Variants in MYH10 observed in about 807,000 individuals in gnomAD.
MYH10 encodes the protein myosin heavy chain 10, also known as myosin-10.
Under a neutral mutation model 257.8 loss-of-function variants are expected in MYH10, and 55 were observed. The ratio of observed to expected loss-of-function variants is 0.21; its 90% CI spans 0.17 to 0.27. MYH10 has a LOEUF of 0.27. Ranked by LOEUF, MYH10 falls within the 10% of genes least tolerant of loss-of-function variation. The pLI, the probability that MYH10 is intolerant of heterozygous loss-of-function variation, is 1.00. For missense variants in MYH10, 1,631 were observed against 2,500.6 expected, an observed-to-expected ratio of 0.65 and a Z score of 7.42; for synonymous variants, 854 against 921.7, an observed-to-expected ratio of 0.93 and a Z score of 1.33.
chr17:8,623,263 C>A lies in MYH10; in HGVS notation c.-17G>T, dbSNP rs1342413981. 6.4e-6 allele frequency: 10 copies of A among 1,555,574 alleles called. No homozygotes were observed. The highest frequency in any genetic ancestry group is 1.4e-5 in the African/African-American group (1 of 71,946). ...CTGCGCCATTGTAAATGGAACGATC[C>A]AAAAGCAATTGCCTCTAAGAGAAGA... is the stretch of plus-strand genomic sequence containing the variant. On this transcript the variant is annotated 5_prime_UTR_variant, in exon 2 of 43. Coordinates refer to ENST00000360416, the MANE Select transcript of MYH10 (RefSeq NM_001256012.3).
chr17:8,492,156 C>T, intron 34 of MYH10, 141 bp downstream of exon 34: 1 of 796,334 alleles, frequency 1.3e-6, no homozygotes, highest in South Asian at 1.7e-5. Context: ...CAGGCCAAAA[C>T]ACTCCTAGAT....
intron 2 of MYH10, among the ~76,000 whole-genome samples, chr17:8,608,727 T>C (rs952882695): frequency 6.6e-6 from 1 of 152,230 alleles, no homozygotes; most frequent in African/African-American, 2.4e-5. Flanking sequence ...TCAAGCCCAC[T>C]ATGCTGCTTT....
At chr17:8,621,205 A>G (rs1394891377) in intron 2 of MYH10, among the ~76,000 whole-genome samples, 1 of 152,186 alleles carries the variant, frequency 6.6e-6, no homozygotes, top group African/African-American at 2.4e-5. Flanking sequence ...AATTTATTGC[A>G]ATGGGCTTCA....
At position 8,535,692 on chromosome 17, in the gene MYH10, A is replaced by G; in HGVS notation, c.1779+66T>C. 2.0e-6 allele frequency: 3 copies of G among 1,512,146 alleles called. No homozygotes were observed. The highest frequency in any genetic ancestry group is 1.2e-5 in the South Asian group (1 of 83,846). The allele number at this position is 1,512,146 out of a possible 1,614,324, so 93.7% of individuals were successfully genotyped here. A position where few individuals can be genotyped will look rare whatever the true frequency, so the allele number is the denominator to read the frequency against. The stretch of plus-strand genomic sequence containing the variant: ...TTATCAGCACCTTTGTTACACCTTC[A>G]TAAAAATGTAGCAAAATTTCAAACA... On this transcript the variant is annotated intron_variant, in intron 15 of 42. Transcript: ENST00000360416. The surrounding 1 kb of genome is among the most constrained non-coding windows in gnomAD (Gnocchi z 4.3).
chr17:8,522,216 C>A (rs545727008), intron 17 of MYH10, among the ~76,000 whole-genome samples: 4 of 152,358 alleles, frequency 2.6e-5, no homozygotes, highest in African/African-American at 9.6e-5. Flanking sequence ...CTAATGGACA[C>A]CTCATTTCTT....
At chr17:8,488,510 A>G (rs1915239369) in intron 35 of MYH10, among the ~76,000 whole-genome samples, 1 of 152,224 alleles carries the variant, frequency 6.6e-6, no homozygotes, top group Non-Finnish European at 1.5e-5. Flanking sequence ...GGTATAGGTC[A>G]TAAATACCTT....
At position 8,490,495 on chromosome 17, in the gene MYH10, T is replaced by C. The variant is rs1644815348; in HGVS notation, c.4729A>G (p.Thr1577Ala). The change falls in exon 35 of 43, where the codon ACC becomes GCC. Residue 1577 changes from threonine to alanine, a missense_variant. Around this residue, in one of 11 missense-constraint regions of MYH10, gnomAD observed 463 missense variants for 621.8 expected, o/e 0.74. Transcript: ENST00000360416. This position sits in a 1 kb window ranked among gnomAD's most constrained non-coding sequence, Gnocchi z 4.1. The stretch of plus-strand genomic sequence containing the variant: ...TCGTCTTCCAGCTCCTCCAGCTGGG[T>C]CCTCATTTCCTCCACCTGCTGCTCT... Reference protein sequence around the residue: ...ALEQQVEEMRTQLEELEDELQ... With the variant: ...ALEQQVEEMRAQLEELEDELQ... 1 of 1,614,084 alleles carries C rather than the reference T, an allele frequency of 6.2e-7. No individual in the cohort carries two copies. The highest frequency in any genetic ancestry group is 1.3e-5 in the African/African-American group (1 of 74,930).
intron 31 of MYH10, 142 bp downstream of exon 31, chr17:8,494,995 C>CA (rs1597642058): frequency 1.6e-6 from 1 of 610,964 alleles, no homozygotes; most frequent in East Asian, 2.9e-5. Context: ...TCCCGAGTAG[C>CA]AAGGCTGGCT....
intron 36 of MYH10, among the ~76,000 whole-genome samples, chr17:8,486,175 G>C (rs148727018): frequency 9.1e-4 from 139 of 152,232 alleles, no homozygotes; most frequent in African/African-American, 2.9e-3. Context: ...GATGCAGCAG[G>C]GATACAGGGA....
intron 9 of MYH10, among the ~76,000 whole-genome samples, chr17:8,550,882 A>G (rs1171335254): frequency 1.3e-5 from 2 of 151,846 alleles, no homozygotes; most frequent in Non-Finnish European, 2.9e-5. Flanking sequence ...GTGTCCACTC[A>G]GGGTTAAATG....
chr17:8,539,177 G>A (rs2082225987), intron 14 of MYH10, among the ~76,000 whole-genome samples: 1 of 152,162 alleles, frequency 6.6e-6, no homozygotes, highest in Non-Finnish European at 1.5e-5. Context: ...TAGACTACAA[G>A]AAATCAATTT....
Position 8,480,178 on chromosome 17 carries a change from G to A in MYH10, c.5529C>T (p.Phe1843=), listed in dbSNP as rs758261345. 50 of 1,614,038 alleles carry A rather than the reference G, an allele frequency of 3.1e-5. No individual in the cohort carries two copies. Among genetic ancestry groups the A allele is most frequent in the Non-Finnish European group, 4.2e-6 (5 of 1,180,040 alleles). The change falls in exon 40 of 43, where the codon TTC becomes TTT. Residue 1843 remains phenylalanine (F), a synonymous_variant. Coordinates refer to ENST00000360416, the MANE Select transcript of MYH10 (RefSeq NM_001256012.3). ...CCTCCAGGGCTGAGATGGTGGCCTT[G>A]AACTTAGACTTGACAGCACCCTCGA... ...QELEGAVKSK[F]KATISALEAK...
At chr17:8,518,382 C>A (rs2081542868) in intron 21 of MYH10, among the ~76,000 whole-genome samples, 1 of 152,178 alleles carries the variant, frequency 6.6e-6, no homozygotes, top group South Asian at 2.1e-4. Flanking sequence ...GATCTGCCCA[C>A]TTCAGCCTCC....
chr17:8,485,974 A>G (rs1475917541), intron 36 of MYH10, among the ~76,000 whole-genome samples: 2 of 152,244 alleles, frequency 1.3e-5, no homozygotes, highest in Non-Finnish European at 2.9e-5. Context: ...GTATCCACAC[A>G]GTAGAGTGTT....
chr17:8,511,056 A>G (rs1340437641), intron 24 of MYH10: 12 of 114,010 alleles, frequency 1.1e-4, no homozygotes, highest in African/African-American at 4.3e-4. Flanking sequence ...ATATATATAT[A>G]TATACACACA....
At chr17:8,515,195 G>A (rs1209847632) in intron 21 of MYH10, among the ~76,000 whole-genome samples, 3 of 152,114 alleles carry the variant, frequency 2.0e-5, no homozygotes, top group African/African-American at 4.8e-5. Context: ...CTTTTATAAC[G>A]GCTTGCAGGA....
intron 6 of MYH10, among the ~76,000 whole-genome samples, chr17:8,576,381 T>C (rs566156566): frequency 6.6e-6 from 1 of 152,286 alleles, no homozygotes; most frequent in South Asian, 2.1e-4. Context: ...CCATAATTTA[T>C]AGGCTTCATA....
At chr17:8,601,394 T>C (rs1429444063) in intron 3 of MYH10, among the ~76,000 whole-genome samples, 1 of 152,244 alleles carries the variant, frequency 6.6e-6, no homozygotes, top group African/African-American at 2.4e-5. Flanking sequence ...TCCCTTTCCA[T>C]GTCATGTTGC....
At chr17:8,630,256 C>T (rs1295171413) in intron 1 of MYH10, among the ~76,000 whole-genome samples, 2 of 151,002 alleles carry the variant, frequency 1.3e-5, no homozygotes, top group African/African-American at 2.4e-5. Flanking sequence ...ACCTCGCGCC[C>T]CCAGGGATCC....
Sources: gnomAD v4.1 joint callset for allele counts (sites outside exome capture counted in the v4.1 genomes callset) on GRCh38, gnomAD v4.1.1 for gene constraint, gnomAD v4.1.1 regional missense constraint, Gnocchi (gnomAD v3.1) non-coding constraint, MANE v1.5 for transcripts, NCBI Gene and HGNC (gene_info 2026-07-23, HGNC 2026-07-21) for gene names.